KCNH1: variants seen among roughly 807,000 people sequenced by gnomAD.
The protein encoded by KCNH1 is voltage-gated delayed rectifier potassium channel KCNH1.
A neutral mutation model predicts 69.2 loss-of-function variants in KCNH1; 27 were observed. That is an observed-to-expected ratio of 0.39 (90% CI 0.29 to 0.54). KCNH1 has a LOEUF of 0.54. KCNH1 is among the 20% of genes least tolerant of loss of function. The pLI, the probability that KCNH1 is intolerant of heterozygous loss-of-function variation, is 0.68. For synonymous variants in KCNH1, 456 were observed against 487.7 expected (o/e 0.93, Z 0.86); for missense variants, 798 against 1,261.6 (o/e 0.63, Z 5.57).
At position 211,082,767 on chromosome 1, in the gene KCNH1, C is replaced by T; in HGVS notation, c.558+13G>A. ...AAAGTGAGGCTCAAGATGAGCTAACCCTTTGCCCTTACCTCTGCCAGGCGG... is the reference window on the plus strand; with the variant it reads ...AAAGTGAGGCTCAAGATGAGCTAACTCTTTGCCCTTACCTCTGCCAGGCGG... On this transcript the variant is annotated intron_variant, in intron 5 of 10. Transcript: ENST00000271751. 1.2e-6 allele frequency: 2 copies of T among 1,603,294 alleles called. No homozygotes were observed. The highest frequency in any genetic ancestry group is 1.7e-6 in the Non-Finnish European group (2 of 1,170,960).
At chr1:210,915,175 G>A (rs1250523513) in intron 7 of KCNH1, among the ~76,000 whole-genome samples, 1 of 152,114 alleles carries the variant, frequency 6.6e-6, no homozygotes, top group Non-Finnish European at 1.5e-5. Flanking sequence ...CCAGGGAAAG[G>A]CTCAGCCACA....
intron 9 of KCNH1, among the ~76,000 whole-genome samples, chr1:210,789,988 C>G (rs1050887304): frequency 1.3e-5 from 2 of 152,082 alleles, no homozygotes; most frequent in Non-Finnish European, 2.9e-5. Flanking sequence ...TCACGGTGCA[C>G]TACAGCCTCA....
chr1:211,109,622 G>A (rs574038744), intron 1 of KCNH1, among the ~76,000 whole-genome samples: 1 of 152,160 alleles, frequency 6.6e-6, no homozygotes, highest in Non-Finnish European at 1.5e-5. Context: ...TATGCGGAAA[G>A]AGGGAAGAAT....
intron 5 of KCNH1, among the ~76,000 whole-genome samples, chr1:211,052,576 G>A (rs1690226884): frequency 6.6e-6 from 1 of 152,164 alleles, no homozygotes; most frequent in Admixed American, 6.5e-5. Flanking sequence ...GCCAAATGAA[G>A]CCAACACCCA....
At chr1:210,773,635 T>C (rs1683796682) in intron 10 of KCNH1, among the ~76,000 whole-genome samples, 1 of 148,798 alleles carries the variant, frequency 6.7e-6, no homozygotes, top group Non-Finnish European at 1.5e-5. Flanking sequence ...ATTGGCCCCT[T>C]CTGTTAGGCA....
At chr1:211,130,280 G>T (rs1405397546) in intron 1 of KCNH1, among the ~76,000 whole-genome samples, 2 of 152,152 alleles carry the variant, frequency 1.3e-5, no homozygotes, top group African/African-American at 2.4e-5. Context: ...GCAATTTAAA[G>T]AACAGATAAT....
chr1:210,999,181 A>G lies in KCNH1; in HGVS notation c.1032+19602T>C, dbSNP rs986865946. ...CTAAGATCAGAGCAGAACTGAAGGA[A>G]ATAGAGACACAAAAAACCCTTCAAA... On this transcript the variant is annotated intron_variant, in intron 6 of 10. Coordinates refer to ENST00000271751, the MANE Select transcript of KCNH1 (RefSeq NM_172362.3). Among the ~76,000 whole-genome samples, 8 of 152,178 alleles carry G rather than the reference A, an allele frequency of 5.3e-5. No individual in the cohort carries two copies. The East Asian group carries it at 5.8e-4, about 11-fold the overall frequency.
chr1:211,046,491 A>G (rs1037241093), intron 5 of KCNH1, among the ~76,000 whole-genome samples: 3 of 152,196 alleles, frequency 2.0e-5, no homozygotes, highest in Non-Finnish European at 4.4e-5. Flanking sequence ...CCCTGACCTC[A>G]TAAGCCCTTT....
At chr1:210,989,553 C>T (rs189032987) in intron 6 of KCNH1, among the ~76,000 whole-genome samples, 1 of 152,180 alleles carries the variant, frequency 6.6e-6, no homozygotes, top group Non-Finnish European at 1.5e-5. Context: ...ACCTGATATG[C>T]CCTAGTGCTT....
Position 210,713,964 on chromosome 1 carries a change from C to A in KCNH1, c.2113-29826G>T, listed in dbSNP as rs552860553. On this transcript the variant is annotated intron_variant, in intron 10 of 10. Transcript: ENST00000271751. The stretch of plus-strand genomic sequence containing the variant: ...AGGGTTCACATATTATCCTGTCACT[C>A]CGGTGGGAGGCTTCTCACGATTGTC... Among the ~76,000 whole-genome samples the A allele has an allele frequency of 4.3e-4, 66 of 152,262 alleles. No homozygotes were observed. In the Middle Eastern group the frequency reaches 0.01, roughly 24 times the overall value.
At chr1:211,000,514 G>A (rs761553377) in intron 6 of KCNH1, among the ~76,000 whole-genome samples, 143 of 152,196 alleles carry the variant, frequency 9.4e-4, no homozygotes, top group Non-Finnish European at 1.8e-3. Context: ...AATAAAAGAG[G>A]ACACAAACAA....
chr1:210,997,887 G>C (rs185156464), intron 6 of KCNH1, among the ~76,000 whole-genome samples: 25 of 152,194 alleles, frequency 1.6e-4, no homozygotes, highest in South Asian at 1.0e-3. Flanking sequence ...AATTTTCAGC[G>C]CAGAATTTCA....
intron 7 of KCNH1, among the ~76,000 whole-genome samples, chr1:210,852,012 GAGAA>G (rs577621193): frequency 5.0e-4 from 76 of 152,330 alleles, no homozygotes; most frequent in Admixed American, 1.8e-3. Context: ...ACTAACAGAA[GAGAA>G]AGAGAGTAAA....
chr1:210,854,321 G>C (rs1685782203), intron 7 of KCNH1, among the ~76,000 whole-genome samples: 2 of 152,074 alleles, frequency 1.3e-5, no homozygotes, highest in South Asian at 4.1e-4. Context: ...GAGGAAACTG[G>C]GACTCAGAGA....
At chr1:210,706,758 G>T (rs1681923486) in intron 10 of KCNH1, among the ~76,000 whole-genome samples, 3 of 152,232 alleles carry the variant, frequency 2.0e-5, no homozygotes, top group Admixed American at 2.0e-4. Context: ...AAGAATAGTG[G>T]CTAATTCTCA....
In KCNH1 at chr1:210,797,734, C is replaced by T; in HGVS notation, c.1689G>A (p.Met563Ile). ...TCAGGTGCACGCAGATGTCGGCTCT[C>T]ATGTCCTTGGGGCAGATCTGCAGGA... ...EKVLQICPKD[M>I]RADICVHLNR... The change falls in exon 9 of 11, where the codon ATG (methionine) becomes ATA (isoleucine). Residue 563 changes from methionine to isoleucine, a missense_variant. By Grantham distance (10) the Met-to-Ile change is conservative. Transcript: ENST00000271751. The T allele has an allele frequency of 6.2e-7, 1 of 1,613,888 alleles. No homozygotes were observed. Among genetic ancestry groups the T allele is most frequent in the Non-Finnish European group, 8.5e-7 (1 of 1,179,798 alleles).
At chr1:210,763,090 A>G (rs910360349) in intron 10 of KCNH1, among the ~76,000 whole-genome samples, 5 of 152,200 alleles carry the variant, frequency 3.3e-5, no homozygotes, top group African/African-American at 1.2e-4. Flanking sequence ...AAAAAATGTA[A>G]TTCACCATAT....
intron 10 of KCNH1, among the ~76,000 whole-genome samples, chr1:210,748,758 C>T (rs1000881081): frequency 6.6e-6 from 1 of 152,188 alleles, no homozygotes; most frequent in Non-Finnish European, 1.5e-5. Context: ...TGGTGACTTG[C>T]CCATCCTCCC....
At chr1:210,773,434 G>A (rs971335354) in intron 10 of KCNH1, among the ~76,000 whole-genome samples, 3 of 152,150 alleles carry the variant, frequency 2.0e-5, no homozygotes, top group Non-Finnish European at 4.4e-5. Context: ...AGGATACTAA[G>A]GCACCAAGCC....
Sources: gnomAD v4.1 joint callset for allele counts (sites outside exome capture counted in the v4.1 genomes callset) on GRCh38, gnomAD v4.1.1 for gene constraint, MANE v1.5 for transcripts, NCBI Gene and HGNC (gene_info 2026-07-23, HGNC 2026-07-21) for gene names.